DST: variants seen among roughly 807,000 people sequenced by gnomAD.
DST encodes the protein dystonin, also known as bullous pemphigoid antigen.
Under a neutral mutation model 875.2 loss-of-function variants are expected in DST, and 253 were observed. The ratio of observed to expected loss-of-function variants is 0.29; its 90% CI spans 0.26 to 0.32. The LOEUF is 0.32. Among genes scored for constraint, DST ranks in the 10% least tolerant of loss-of-function variants. The pLI is 1.00. For missense variants in DST, 8,287 were observed against 9,111.6 expected (o/e 0.91, Z 3.68); for synonymous variants, 3,124 against 3,197.1 (o/e 0.98, Z 0.77).
At chr6:56,708,575 A>T (rs1401976686) in intron 5 of DST, among the ~76,000 whole-genome samples, 1 of 152,260 alleles carries the variant, frequency 6.6e-6, no homozygotes, top group Admixed American at 6.5e-5. Context: ...AGCAAATGTC[A>T]CTAACAATAA....
At chr6:56,568,421 G>C in intron 55 of DST, 48 bp downstream of exon 55, 1 of 1,566,148 alleles carries the variant, frequency 6.4e-7, no homozygotes, top group Non-Finnish European at 8.6e-7. Flanking sequence ...ATTGACATGA[G>C]TAAACCTGAT....
chr6:56,816,696 G>A (rs751696254), intron 4 of DST, among the ~76,000 whole-genome samples: 14 of 152,120 alleles, frequency 9.2e-5, no homozygotes, highest in Non-Finnish European at 1.8e-4. Context: ...TAGTTAGCAG[G>A]AGACACTCAA....
At chr6:56,466,338 G>A in intron 98 of DST, 143 bp from the exon 99 acceptor site, 1 of 492,940 alleles carries the variant, frequency 2.0e-6, no homozygotes, top group Non-Finnish European at 3.5e-6. Context: ...AGAAAAGGGG[G>A]TTTGTAATGA....
intron 55 of DST, among the ~76,000 whole-genome samples, chr6:56,563,867 T>C (rs1291157999): frequency 6.6e-6 from 1 of 152,200 alleles, no homozygotes; most frequent in African/African-American, 2.4e-5. Flanking sequence ...GTCAGATTTG[T>C]CAAAGATCAG....
Position 56,530,043 on chromosome 6 carries a change from C to G in DST, c.17199G>C (p.Lys5733Asn), listed in dbSNP as rs1479605060. ...CTATGGGTTCACAATTCACCAGCCT[C>G]TTTTCTATGGTTGTAAGCCACTCGT... is the stretch of plus-strand genomic sequence containing the variant. ...PLNEWLTTIE[K>N]RLVNCEPIGT... Residue 5733 changes from lysine (K) to asparagine (N), a missense_variant, in exon 65 of 104, where the codon AAG (lysine) becomes AAC (asparagine). Around this residue, in one of 10 missense-constraint regions of DST, gnomAD observed 777 missense variants for 764.8 expected, o/e 1.02. Transcript: ENST00000680361. 1.2e-6 allele frequency: 2 copies of G among 1,613,286 alleles called. No individual in the cohort carries two copies. The highest frequency in any genetic ancestry group is 1.7e-6 in the Non-Finnish European group (2 of 1,179,684).
At chr6:56,881,539 A>G (rs1317470694) in intron 3 of DST, among the ~76,000 whole-genome samples, 2 of 152,172 alleles carry the variant, frequency 1.3e-5, no homozygotes, top group Non-Finnish European at 2.9e-5. Context: ...GTAACTGATA[A>G]AAGAATCAGA....
intron 5 of DST, among the ~76,000 whole-genome samples, chr6:56,726,507 G>A (rs1385282272): frequency 6.6e-6 from 1 of 152,144 alleles, no homozygotes; most frequent in Non-Finnish European, 1.5e-5. Flanking sequence ...ATGAATATGA[G>A]TAAACTTCCT....
At chr6:56,891,160 A>G (rs1331604048) in intron 3 of DST, among the ~76,000 whole-genome samples, 1 of 152,206 alleles carries the variant, frequency 6.6e-6, no homozygotes, top group African/African-American at 2.4e-5. Flanking sequence ...AGGTTCTAGA[A>G]GCCTGCACAG....
intron 3 of DST, among the ~76,000 whole-genome samples, chr6:56,857,387 T>C (rs1485838547): frequency 6.6e-6 from 1 of 152,146 alleles, no homozygotes; most frequent in African/African-American, 2.4e-5. Context: ...AATCAACAGG[T>C]GCAGGTTGCA....
intron 9 of DST, among the ~76,000 whole-genome samples, chr6:56,695,868 T>C (rs35619924): frequency 0.14 from 21,627 of 152,294 alleles, 2,103 homozygotes; most frequent in Non-Finnish European, 0.22. Flanking sequence ...ATGTAAAGTA[T>C]AGAGAAAAAG....
chr6:56,622,028 T>G (rs57790896), intron 36 of DST, among the ~76,000 whole-genome samples: 4,953 of 152,330 alleles, frequency 0.033, 91 homozygotes, highest in Non-Finnish European at 0.041. Flanking sequence ...TCTATTTTCT[T>G]TATTTTAGTA....
intron 4 of DST, among the ~76,000 whole-genome samples, chr6:56,802,953 T>C (rs1202992145): frequency 6.6e-6 from 1 of 152,178 alleles, no homozygotes; most frequent in Non-Finnish European, 1.5e-5. Flanking sequence ...AGAAAGAATA[T>C]CATACATTAA....
intron 4 of DST, among the ~76,000 whole-genome samples, chr6:56,826,494 T>C (rs1426970715): frequency 6.6e-6 from 1 of 152,204 alleles, no homozygotes; most frequent in Non-Finnish European, 1.5e-5. Context: ...AGAAAACTTG[T>C]TCTTGAGAGC....
At chr6:56,837,735 G>A (rs1334119192) in intron 4 of DST, among the ~76,000 whole-genome samples, 3 of 152,108 alleles carry the variant, frequency 2.0e-5, no homozygotes, top group African/African-American at 7.2e-5. Context: ...AAATGGAACA[G>A]TCATGCTAGT....
At chr6:56,846,995 C>G (rs1236965074) in intron 4 of DST, among the ~76,000 whole-genome samples, 3 of 139,046 alleles carry the variant, frequency 2.2e-5, no homozygotes, top group Non-Finnish European at 4.6e-5. Flanking sequence ...AGAGGAAGAC[C>G]CTGTCTCAAA....
intron 83 of DST, 85 bp from the exon 84 acceptor site, chr6:56,493,174 C>T: frequency 8.4e-7 from 1 of 1,193,278 alleles, no homozygotes; most frequent in Non-Finnish European, 1.2e-6. Flanking sequence ...CTGGCAGATT[C>T]CTTTCCTATC....
rs1353963340 is a variant in DST, at chr6:56,592,495, G to A, written c.12727-137C>T. The A allele has an allele frequency of 6.6e-6, 5 of 756,220 alleles. No homozygotes were observed. The East Asian group carries it at 1.4e-4, about 21-fold the overall frequency. The allele number at this position is 756,220 out of a possible 1,614,324, so 46.8% of individuals were successfully genotyped here. On this transcript the variant is annotated intron_variant, in intron 48 of 103. Transcript: ENST00000680361. ...ACCAAAGTTAATAAAAACTCTGTTG[G>A]GCTAAGATTTCCTCCTTTATATGAA...
At chr6:56,920,879 C>A (rs563659516) in intron 2 of DST, among the ~76,000 whole-genome samples, 97 of 143,712 alleles carry the variant, frequency 6.7e-4, no homozygotes, top group African/African-American at 2.2e-3. Context: ...CAGGAACACA[C>A]AACCACGCCC....
rs2098413749 is a variant in DST at position 56,598,500 on chromosome 6, T to C, written c.11904A>G (p.Thr3968=). 1 of 1,577,094 alleles carries C rather than the reference T, an allele frequency of 6.3e-7. No individual in the cohort carries two copies. Among genetic ancestry groups the C allele is most frequent in the Non-Finnish European group, 8.6e-7 (1 of 1,161,462 alleles). Reference sequence around the variant, plus strand: ...CCTTTTCAGTTTCTTCCTTGATTGCTGTTGTCACAACTTTATCCAGCTCCT... The same window carrying C: ...CCTTTTCAGTTTCTTCCTTGATTGCCGTTGTCACAACTTTATCCAGCTCCT... The part of the protein sequence containing the change: ...SKKELDKVVT[T]AIKEETEKVA... The change falls in exon 46 of 104, where the codon ACA becomes ACG. Residue 3968 remains threonine, a synonymous_variant. Coordinates refer to ENST00000680361, the MANE Select transcript of DST (RefSeq NM_001374736.1).
Sources: gnomAD v4.1 joint callset for allele counts (sites outside exome capture counted in the v4.1 genomes callset) on GRCh38, gnomAD v4.1.1 for gene constraint, gnomAD v4.1.1 regional missense constraint, MANE v1.5 for transcripts, NCBI Gene and HGNC (gene_info 2026-07-23, HGNC 2026-07-21) for gene names.